SHBG: variants seen among roughly 807,000 people sequenced by gnomAD.
SHBG encodes sex hormone-binding globulin.
Under a neutral mutation model 41.9 loss-of-function variants are expected in SHBG, and 37 were observed. That is an observed-to-expected ratio of 0.88 (90% CI 0.68 to 1.16). The LOEUF is 1.16. SHBG is among the 50% of genes most tolerant of loss of function. The pLI is 0.00. For synonymous variants in SHBG, 217 were observed against 205.8 expected, an observed-to-expected ratio of 1.05 and a Z score of -0.47; for missense variants, 466 against 499.9, an observed-to-expected ratio of 0.93 and a Z score of 0.65.
chr17:7,625,308 G>A (rs914838351), upstream of SHBG, among the ~76,000 whole-genome samples: 16 of 151,726 alleles, frequency 1.1e-4, no homozygotes, highest in Admixed American at 2.0e-4. Flanking sequence ...GCCAGGCGTG[G>A]TGGCTCACGC....
rs138612626 is a variant in SHBG at position 7,633,269 on chromosome 17, G to A, written c.1126G>A (p.Asp376Asn). 2.1e-4 allele frequency: 337 copies of A among 1,614,064 alleles called. 1 individual carries two copies. The highest frequency in any genetic ancestry group is 7.2e-4 in the South Asian group (66 of 91,074). The change falls in exon 8 of 8, where the codon GAC (aspartate) becomes AAC (asparagine). Residue 376 changes from aspartate to asparagine, a missense_variant. Asp to Asn is a conservative substitution (Grantham distance 23, BLOSUM62 1). Coordinates refer to ENST00000380450, the MANE Select transcript of SHBG (RefSeq NM_001040.5). ...LWAQGQRLDV[D>N]QALNRSHEIW... The stretch of plus-strand genomic sequence containing the variant: ...GGCACAAGGTCAGAGGCTGGATGTG[G>A]ACCAGGCCCTGAACAGAAGCCATGA...
upstream of SHBG, chr17:7,627,000 T>C (rs771491344): frequency 1.2e-6 from 2 of 1,614,018 alleles, no homozygotes; most frequent in South Asian, 2.2e-5. Flanking sequence ...CCCTTCCATG[T>C]ACTGTAGATG....
At chr17:7,623,798 G>T (rs184607428), upstream of SHBG, among the ~76,000 whole-genome samples, 4 of 151,996 alleles carry the variant, frequency 2.6e-5, no homozygotes, top group East Asian at 7.7e-4. Context: ...GTCTCACTCT[G>T]TCACTCAGGC....
chr17:7,622,773 T>C lies in SHBG; in HGVS notation c.-61-7645T>C, dbSNP rs1311880679. On this transcript the variant is annotated intron_variant, in intron 1 of 5. Coordinates refer to the SHBG transcript ENST00000570547. The stretch of plus-strand genomic sequence containing the variant: ...GGCTGGGCACGGTGGCTCACGCCTG[T>C]AATCCCAGTACTTTGGGAGGCCGAG... Among the ~76,000 whole-genome samples, 14 of 145,882 alleles carry C rather than the reference T, an allele frequency of 9.6e-5. No individual in the cohort carries two copies. In the East Asian group the frequency reaches 1.5e-3, roughly 16 times the overall value.
Position 7,631,924 on chromosome 17 carries a change from T to G in SHBG, c.761T>G (p.Leu254Arg), listed in dbSNP as rs1348106676. Residue 254 changes from leucine (L) to arginine (R), a missense_variant, in exon 6 of 8, where the codon CTG (leucine) becomes CGG (arginine). Transcript: ENST00000380450. ...HAEPWAFSLD[L>R]GLKQAAGSGH... ...GAGCCCTGGGCCTTCTCTTTGGACC[T>G]GGGACTCAAGCAGGCAGCAGGCTCA... 6.2e-7 allele frequency: 1 copy of G among 1,614,028 alleles called. No individual in the cohort carries two copies. The highest frequency in any genetic ancestry group is 1.1e-5 in the South Asian group (1 of 91,070).
upstream of SHBG, chr17:7,627,698 A>C (rs2072261980): frequency 3.8e-6 from 6 of 1,570,682 alleles, no homozygotes; most frequent in Non-Finnish European, 5.3e-6. This position sits in a 1 kb window ranked among gnomAD's most constrained non-coding sequence, Gnocchi z 4.8. Context: ...AGACCCCTTA[A>C]AGGGCCTACG....
upstream of SHBG, chr17:7,627,964 A>G: frequency 1.9e-6 from 1 of 523,904 alleles, no homozygotes; most frequent in Non-Finnish European, 3.6e-6. The surrounding 1 kb of genome is among the most constrained non-coding windows in gnomAD (Gnocchi z 4.8). Flanking sequence ...CGACAGCTGG[A>G]TCTTGTGACT....
At chr17:7,614,328 G>T in intron 1 of SHBG, 1 of 754,670 alleles carries the variant, frequency 1.3e-6, no homozygotes, top group Non-Finnish European at 2.2e-6. Context: ...GCGGGTTGGA[G>T]CAAGGGTCCA....
intron 1 of SHBG, among the ~76,000 whole-genome samples, chr17:7,619,334 G>A (rs1367258276): frequency 6.7e-6 from 1 of 149,904 alleles, no homozygotes; most frequent in African/African-American, 2.5e-5. Context: ...AGGTTGCAGT[G>A]AGCCAAGATC....
At chr17:7,628,199 G>A (rs1266182341), upstream of SHBG, 1 of 455,088 alleles carries the variant, frequency 2.2e-6, no homozygotes, top group Non-Finnish European at 4.4e-6. Context: ...TGCAGCTCTT[G>A]AGTAGCATGA....
intron 1 of SHBG, chr17:7,614,541 C>T (rs774435702): frequency 6.8e-7 from 1 of 1,468,342 alleles, no homozygotes; most frequent in Non-Finnish European, 9.0e-7. Context: ...ATGGCGCCGC[C>T]ACCGCCTCCG....
chr17:7,617,952 C>G (rs2072022427), intron 1 of SHBG, among the ~76,000 whole-genome samples: 1 of 141,256 alleles, frequency 7.1e-6, no homozygotes. Context: ...GGTGCGGCGG[C>G]TCACGCCTGT....
chr17:7,627,644 C>T (rs2150963437), upstream of SHBG: 1 of 1,614,040 alleles, frequency 6.2e-7, no homozygotes, highest in Non-Finnish European at 8.5e-7. This position sits in a 1 kb window ranked among gnomAD's most constrained non-coding sequence, Gnocchi z 4.8. Flanking sequence ...ATCCGGATCC[C>T]CGCTGTCTGG....
upstream of SHBG, among the ~76,000 whole-genome samples, chr17:7,629,002 G>A (rs1728131370): frequency 4.6e-5 from 7 of 152,222 alleles, no homozygotes; most frequent in South Asian, 1.2e-3. Context: ...GTTACAGTGA[G>A]CCGAGATCGT....
Position 7,631,313 on chromosome 17 carries a change from G to A in SHBG, c.507G>A (p.Arg169=). ...CCAGCAAACGCCATCCCATCATGAG[G>A]ATTGCGCTTGGGGGGCTGCTCTTCC... ...PLTSKRHPIM[R]IALGGLLFPA... The change falls in exon 4 of 8, where the codon AGG becomes AGA. Residue 169 remains arginine, a synonymous_variant. Coordinates refer to ENST00000380450, the MANE Select transcript of SHBG (RefSeq NM_001040.5). 1 of 1,613,938 alleles carries A rather than the reference G, an allele frequency of 6.2e-7. No homozygotes were observed. The highest frequency in any genetic ancestry group is 1.7e-5 in the Admixed American group (1 of 59,996).
At chr17:7,617,222 CA>C (rs1312013351) in intron 1 of SHBG, among the ~76,000 whole-genome samples, 1 of 151,686 alleles carries the variant, frequency 6.6e-6, no homozygotes, top group Non-Finnish European at 1.5e-5. Flanking sequence ...ATGGTGGAGA[CA>C]AACAGACTTG....
intron 1 of SHBG, chr17:7,614,615 C>G (rs1197147163): frequency 5.9e-5 from 50 of 847,918 alleles, no homozygotes; most frequent in Non-Finnish European, 7.6e-5. Flanking sequence ...CCGGCGTCTC[C>G]CCGGAGGAGG....
intron 6 of SHBG, among the ~76,000 whole-genome samples, chr17:7,632,408 A>T (rs777206414): frequency 3.3e-5 from 5 of 152,076 alleles, no homozygotes; most frequent in African/African-American, 1.2e-4. Flanking sequence ...GTGCCACTGC[A>T]CTCTGACCTG....
upstream of SHBG, chr17:7,627,928 G>T: frequency 1.8e-6 from 1 of 547,340 alleles, no homozygotes; most frequent in Non-Finnish European, 3.4e-6. This position sits in a 1 kb window ranked among gnomAD's most constrained non-coding sequence, Gnocchi z 4.8. Flanking sequence ...AACAGGCACG[G>T]CCGCGTCCCC....
Sources: gnomAD v4.1 joint callset for allele counts (sites outside exome capture counted in the v4.1 genomes callset) on GRCh38, gnomAD v4.1.1 for gene constraint, Gnocchi (gnomAD v3.1) non-coding constraint, MANE v1.5 for transcripts, NCBI Gene and HGNC (gene_info 2026-07-23, HGNC 2026-07-21) for gene names.